The following FAM204A variants were observed in gnomAD, a reference collection of about 807,000 sequenced individuals.
FAM204A encodes the protein protein FAM204A.
FAM204A carries 16 observed loss-of-function variants against 35.4 expected under a neutral mutation model. The ratio of observed to expected loss-of-function variants is 0.45; its 90% CI spans 0.31 to 0.69. The LOEUF is 0.69. Among genes scored for constraint, FAM204A ranks in the 30% least tolerant of loss-of-function variants. The pLI is 0.07. For missense variants in FAM204A, 240 were observed against 265.7 expected (o/e 0.90, Z 0.67); for synonymous variants, 76 against 86.9 (o/e 0.88, Z 0.70).
intron 7 of FAM204A, among the ~76,000 whole-genome samples, chr10:118,311,653 A>G (rs946679814): frequency 1.3e-5 from 2 of 152,180 alleles, no homozygotes; most frequent in Non-Finnish European, 1.5e-5. Context: ...ATAAGGCTGC[A>G]GACACTGACA....
At position 118,303,451 on chromosome 10, in the gene FAM204A, T is replaced by C. The variant is rs1414826114; in HGVS notation, c.*7406A>G. ...ATGTATCCTCCACCCCTTCCATCCA[T>C]CCCTCCTTTCATCCCATGTAAAATG... On this transcript the variant is annotated 3_prime_UTR_variant, in exon 9 of 9. Transcript: ENST00000369183. 6.6e-6 allele frequency: 1 copy of C among 152,222 alleles called. No individual in the cohort carries two copies. Among genetic ancestry groups the C allele is most frequent in the Non-Finnish European group, 1.5e-5 (1 of 68,098 alleles). The allele number at this position is 152,222 out of a possible 1,614,324, so 9.4% of individuals were successfully genotyped here.
At chr10:118,318,999 TA>T (rs1465717974) in intron 7 of FAM204A, among the ~76,000 whole-genome samples, 1 of 151,420 alleles carries the variant, frequency 6.6e-6, no homozygotes, top group African/African-American at 2.4e-5. Context: ...TACATCTACA[TA>T]AAACTAATAA....
intron 6 of FAM204A, among the ~76,000 whole-genome samples, chr10:118,334,853 C>T (rs986568241): frequency 2.0e-5 from 3 of 152,204 alleles, no homozygotes; most frequent in Non-Finnish European, 2.9e-5. Context: ...GTCTCAGTGA[C>T]GTGGCACCTT....
chr10:118,319,763 T>A (rs191008268), intron 7 of FAM204A, among the ~76,000 whole-genome samples: 2 of 152,026 alleles, frequency 1.3e-5, no homozygotes, highest in African/African-American at 4.8e-5. Flanking sequence ...GATGTAAATA[T>A]TATATTAAAT....
chr10:118,342,244 A>T (rs1239492342), intron 1 of FAM204A, 26 bp downstream of exon 1: 1 of 152,254 alleles, frequency 6.6e-6, no homozygotes, highest in Non-Finnish European at 1.5e-5. Context: ...CCGGCGGGTA[A>T]CCAACCCTCC....
intron 7 of FAM204A, among the ~76,000 whole-genome samples, chr10:118,317,457 G>C (rs192435196): frequency 2.0e-5 from 3 of 152,004 alleles, no homozygotes; most frequent in African/African-American, 7.2e-5. Context: ...AATTAAAAGA[G>C]AGCATAAGGA....
chr10:118,334,557 A>AC (rs1846349211), intron 6 of FAM204A, among the ~76,000 whole-genome samples: 1 of 152,162 alleles, frequency 6.6e-6, no homozygotes, highest in Non-Finnish European at 1.5e-5. Flanking sequence ...AATCTTTTTA[A>AC]CATAGGTCAT....
chr10:118,308,078 T>C lies in FAM204A; in HGVS notation c.*2779A>G, dbSNP rs1441521943. 1 of 152,142 alleles carries C rather than the reference T, an allele frequency of 6.6e-6. No individual in the cohort carries two copies. Among genetic ancestry groups the C allele is most frequent in the African/African-American group, 2.4e-5 (1 of 41,436 alleles). The allele number at this position is 152,142 out of a possible 1,614,324, so 9.4% of individuals were successfully genotyped here. A position where few individuals can be genotyped will look rare whatever the true frequency, so the allele number is the denominator to read the frequency against. ...TGAAAATCAGAAACATCCTGAGGGC[T>C]CCCAAACAAGAATGCACTGCCAACT... On this transcript the variant is annotated 3_prime_UTR_variant, in exon 9 of 9. Coordinates refer to ENST00000369183, the MANE Select transcript of FAM204A (RefSeq NM_022063.3).
intron 7 of FAM204A, among the ~76,000 whole-genome samples, chr10:118,325,329 C>T (rs1374003963): frequency 6.6e-6 from 1 of 152,022 alleles, no homozygotes; most frequent in Non-Finnish European, 1.5e-5. Context: ...GATAAAAAGT[C>T]CACCTGCAAG....
At chr10:118,317,396 T>G (rs1846048311) in intron 7 of FAM204A, among the ~76,000 whole-genome samples, 2 of 152,104 alleles carry the variant, frequency 1.3e-5, no homozygotes, top group Non-Finnish European at 2.9e-5. Flanking sequence ...TAATTAGACT[T>G]GTAACATCTG....
rs1021031394 is a variant in FAM204A, at chr10:118,298,776, G to A, written c.*12081C>T. The A allele has an allele frequency of 1.3e-5, 2 of 152,086 alleles. No individual in the cohort carries two copies. The highest frequency in any genetic ancestry group is 2.4e-5 in the African/African-American group (1 of 41,410). The allele number at this position is 152,086 out of a possible 1,614,324, so 9.4% of individuals were successfully genotyped here. A position where few individuals can be genotyped will look rare whatever the true frequency, so the allele number is the denominator to read the frequency against. ...GTTTCAGTCAACTGTCACTATCTTCGGCATCCACCCAAGAGTGATCTAACC... is the reference window on the plus strand; with the variant it reads ...GTTTCAGTCAACTGTCACTATCTTCAGCATCCACCCAAGAGTGATCTAACC... On this transcript the variant is annotated 3_prime_UTR_variant, in exon 9 of 9. Transcript: ENST00000369183.
chr10:118,324,000 T>C (rs1401697680), intron 7 of FAM204A, among the ~76,000 whole-genome samples: 2 of 152,152 alleles, frequency 1.3e-5, no homozygotes, highest in East Asian at 1.9e-4. Context: ...TTTATTCATA[T>C]AGAAGAAGCC....
chr10:118,318,278 T>C (rs1044124512), intron 7 of FAM204A, among the ~76,000 whole-genome samples: 3 of 151,886 alleles, frequency 2.0e-5, no homozygotes, highest in Non-Finnish European at 2.9e-5. Flanking sequence ...TTTGCCAGAG[T>C]GCAGACATTA....
Position 118,304,974 on chromosome 10 carries a change from G to C in FAM204A, c.*5883C>G, listed in dbSNP as rs2119773583. 1 of 152,336 alleles carries C rather than the reference G, an allele frequency of 6.6e-6. No individual in the cohort carries two copies. Among genetic ancestry groups the C allele is most frequent in the African/African-American group, 2.4e-5 (1 of 41,586 alleles). 9.4% of individuals were successfully genotyped at this position (152,336 alleles called of 1,614,324 possible). ...CAGCTTCCCTTGTGGTTAGTGTGAT[G>C]AAGTAAGGAAGTCTGAGCCAGTGCA... On this transcript the variant is annotated 3_prime_UTR_variant, in exon 9 of 9. Transcript: ENST00000369183.
chr10:118,312,155 G>C (rs1244753187), intron 7 of FAM204A, among the ~76,000 whole-genome samples: 1 of 152,204 alleles, frequency 6.6e-6, no homozygotes, highest in Non-Finnish European at 1.5e-5. Context: ...TCTACTTTTA[G>C]TGTGCTCTTA....
intron 6 of FAM204A, among the ~76,000 whole-genome samples, chr10:118,333,911 A>G (rs1204424165): frequency 6.6e-6 from 1 of 152,176 alleles, no homozygotes; most frequent in East Asian, 1.9e-4. Context: ...AGAAAATGAC[A>G]AAGGTCTCTA....
In FAM204A at chr10:118,326,210, C is replaced by T. The variant is rs1490185974; in HGVS notation, c.487G>A (p.Glu163Lys). The change falls in exon 7 of 9, where the codon GAG (glutamate) becomes AAG (lysine). Residue 163 changes from glutamate (E) to lysine (K), a missense_variant. Glu to Lys is a moderately conservative substitution (Grantham distance 56). This residue lies in a region of FAM204A where 232 missense variants were observed against 242.8 expected (regional missense o/e 0.96). Coordinates refer to ENST00000369183, the MANE Select transcript of FAM204A (RefSeq NM_022063.3). ...TCAGCCTTCTCAATATTCCACTCCT[C>T]CACAGCCTGGTCTATCCTCTTTTCA... is the stretch of plus-strand genomic sequence containing the variant. ...GLEKRIDQAV[E>K]EWNIEKAEEL... The T allele has an allele frequency of 1.9e-6, 3 of 1,613,876 alleles. No homozygotes were observed. The highest frequency in any genetic ancestry group is 2.2e-5 in the East Asian group (1 of 44,888).
chr10:118,328,727 G>A (rs570829773), intron 6 of FAM204A, among the ~76,000 whole-genome samples: 36 of 152,176 alleles, frequency 2.4e-4, no homozygotes, highest in African/African-American at 8.4e-4. Flanking sequence ...TCCTGACCTC[G>A]TGATCTGCCT....
chr10:118,328,341 C>T (rs539223734), intron 6 of FAM204A, among the ~76,000 whole-genome samples: 7 of 152,260 alleles, frequency 4.6e-5, no homozygotes, highest in African/African-American at 1.7e-4. Context: ...ATCAACTAAA[C>T]TCTAAGCCAG....
Sources: allele counts gnomAD v4.1 joint callset (sites outside exome capture counted in the v4.1 genomes callset), GRCh38; gene constraint gnomAD v4.1.1; regional missense constraint gnomAD v4.1.1; transcripts MANE v1.5; gene names NCBI Gene and HGNC (gene_info 2026-07-23, HGNC 2026-07-21).